The following MAPK8IP3 variants were observed in gnomAD, a reference collection of about 807,000 sequenced individuals.
MAPK8IP3 encodes the protein C-Jun-amino-terminal kinase-interacting protein 3.
A neutral mutation model predicts 157.8 loss-of-function variants in MAPK8IP3; 49 were observed. That is an observed-to-expected ratio of 0.31 (90% confidence interval 0.25 to 0.39). The LOEUF (loss-of-function observed/expected upper bound fraction) is 0.39. Ranked by LOEUF, MAPK8IP3 falls within the 10% of genes least tolerant of loss-of-function variation. MAPK8IP3 has a pLI of 1.00. For synonymous variants in MAPK8IP3, 897 were observed against 777.7 expected (o/e 1.15, Z -2.55); for missense variants, 1,478 against 1,889.4 (o/e 0.78, Z 4.04).
At chr16:1,712,772 C>T (rs920062852) in intron 1 of MAPK8IP3, among the ~76,000 whole-genome samples, 1 of 152,204 alleles carries the variant, frequency 6.6e-6, no homozygotes, top group African/African-American at 2.4e-5. Context: ...ACCCCTCCCT[C>T]GGGGTTTATC....
intron 1 of MAPK8IP3, among the ~76,000 whole-genome samples, chr16:1,723,301 C>A (rs2038656487): frequency 6.6e-6 from 1 of 152,008 alleles, no homozygotes; most frequent in Non-Finnish European, 1.5e-5. Context: ...TCCCAAAGTT[C>A]TGGGATGAGG....
At position 1,762,819 on chromosome 16, in the gene MAPK8IP3, C is replaced by T; in HGVS notation, c.1728-17C>T. The T allele has an allele frequency of 1.2e-6, 2 of 1,610,772 alleles. No individual in the cohort carries two copies. The highest frequency in any genetic ancestry group is 1.7e-6 in the Non-Finnish European group (2 of 1,178,058). On this transcript the variant is annotated splice_polypyrimidine_tract_variant and intron_variant, in intron 15 of 31. Transcript: ENST00000610761. ...CTGGTCCTCTGCCCACCCCTCACCT[C>T]CCTGTGCCTCTGGCAGCTTCAGCCG...
chr16:1,732,575 C>G (rs557478309), intron 4 of MAPK8IP3, among the ~76,000 whole-genome samples: 2 of 152,368 alleles, frequency 1.3e-5, no homozygotes, highest in African/African-American at 4.8e-5. Flanking sequence ...TCAGCTGGAG[C>G]AGGGACCTGC....
chr16:1,747,887 C>T (rs1265027566), intron 6 of MAPK8IP3, among the ~76,000 whole-genome samples: 5 of 152,236 alleles, frequency 3.3e-5, no homozygotes, highest in Non-Finnish European at 7.3e-5. Flanking sequence ...CAGTAACCTG[C>T]GTTGCCCCAC....
At chr16:1,753,457 T>A (rs898618837) in intron 8 of MAPK8IP3, among the ~76,000 whole-genome samples, 2 of 151,438 alleles carry the variant, frequency 1.3e-5, no homozygotes, top group Non-Finnish European at 2.9e-5. Flanking sequence ...TTATTTATTT[T>A]TGAGACGGAG....
At chr16:1,730,839 T>TAA (rs2039266733) in intron 4 of MAPK8IP3, among the ~76,000 whole-genome samples, 1 of 71,662 alleles carries the variant, frequency 1.4e-5, no homozygotes, top group African/African-American at 5.9e-5. Flanking sequence ...TGAGACTCTG[T>TAA]CAAAAAAAAA....
At position 1,731,012 on chromosome 16, in the gene MAPK8IP3, T is replaced by C. The variant is rs2039282602; in HGVS notation, c.602+1434T>C. On this transcript the variant is annotated intron_variant, in intron 4 of 31. Transcript: ENST00000610761. ...AAAATTAGCTGGGTGTGGTGGCACA[T>C]GCCTGTAGTCCCAGCTACTAGAGAG... Among the ~76,000 whole-genome samples the C allele has an allele frequency of 2.0e-5, 3 of 151,474 alleles. No homozygotes were observed. The South Asian group carries it at 6.3e-4, about 32-fold the overall frequency.
rs202009286 is a variant in MAPK8IP3 at position 1,721,379 on chromosome 16, T to C, written c.319-3178T>C. ...ACTTTGGAAGGCCAAGGCAGGAGGA[T>C]TGCTTGAGCCCAGGAGTTTGAGACC... On this transcript the variant is annotated intron_variant, in intron 1 of 31. Transcript: ENST00000610761. Among the ~76,000 whole-genome samples the C allele has an allele frequency of 7.9e-5, 12 of 152,062 alleles. No individual in the cohort carries two copies. In the East Asian group the frequency reaches 2.3e-3, roughly 30 times the overall value.
At chr16:1,748,816 G>C (rs370423506) in intron 8 of MAPK8IP3, 96 bp downstream of exon 8, 174 of 1,127,470 alleles carry the variant, frequency 1.5e-4, no homozygotes, top group Non-Finnish European at 3.1e-5. Flanking sequence ...TCCTCTGTCA[G>C]CTGTGAGCTA....
At position 1,724,528 on chromosome 16, in the gene MAPK8IP3, A is replaced by T; in HGVS notation, c.319-29A>T. ...GGCTGCTCCACACTCACTCCTGATG[A>T]CTGCTCTTTCCCTCCCTTCCATGCA... On this transcript the variant is annotated intron_variant, in intron 1 of 31. Coordinates refer to ENST00000610761, the MANE Select transcript of MAPK8IP3 (RefSeq NM_001318852.2). The surrounding 1 kb of genome is among the most constrained non-coding windows in gnomAD (Gnocchi z 4.1). 1 of 1,610,246 alleles carries T rather than the reference A, an allele frequency of 6.2e-7. No individual in the cohort carries two copies.
At chr16:1,730,459 G>A (rs2039230113) in intron 4 of MAPK8IP3, among the ~76,000 whole-genome samples, 1 of 151,936 alleles carries the variant, frequency 6.6e-6, no homozygotes, top group Non-Finnish European at 1.5e-5. Context: ...CAAAAATTAA[G>A]CCGGGCTCAG....
rs2141930729 is a variant in MAPK8IP3, at chr16:1,762,658, T to C, written c.1671-17T>C. On this transcript the variant is annotated splice_polypyrimidine_tract_variant and intron_variant, in intron 14 of 31. Transcript: ENST00000610761. Reference sequence around the variant, plus strand: ...GTGAGGGCACTAGCAGGTTGCTCCCTGTGCCCTCCCCTGCAGAGCGTCCCG... The same window carrying C: ...GTGAGGGCACTAGCAGGTTGCTCCCCGTGCCCTCCCCTGCAGAGCGTCCCG... 1.9e-6 allele frequency: 3 copies of C among 1,542,518 alleles called. No homozygotes were observed. The highest frequency in any genetic ancestry group is 1.8e-6 in the Non-Finnish European group (2 of 1,142,700).
intron 6 of MAPK8IP3, 86 bp from the exon 7 acceptor site, chr16:1,748,158 A>G: frequency 2.0e-6 from 2 of 982,836 alleles, no homozygotes; most frequent in Admixed American, 1.7e-5. Flanking sequence ...CCAGCCCACC[A>G]GACTCAGGTT....
intron 4 of MAPK8IP3, among the ~76,000 whole-genome samples, chr16:1,736,230 A>G (rs1477263323): frequency 1.5e-3 from 63 of 41,790 alleles, no homozygotes; most frequent in South Asian, 3.0e-3. Flanking sequence ...GCGTCCGTGT[A>G]AGCATCCGTG....
Position 1,764,453 on chromosome 16 carries a change from G to A in MAPK8IP3, c.2274G>A (p.Lys758=). The part of the protein sequence containing the change: ...EPKSAHTSPE[K]KKAKELPEMD... ...AGAGCGCCCACACGTCTCCCGAGAA[G>A]AAGAAGGTGAGCATGGCCGAGGCCA... The change falls in exon 19 of 32, where the codon AAG becomes AAA. Residue 758 remains lysine, a synonymous_variant. Transcript: ENST00000610761. The A allele has an allele frequency of 6.2e-7, 1 of 1,608,592 alleles. No homozygotes were observed.
chr16:1,714,589 C>T (rs1189227747), intron 1 of MAPK8IP3, among the ~76,000 whole-genome samples: 3 of 152,144 alleles, frequency 2.0e-5, no homozygotes, highest in Non-Finnish European at 4.4e-5. Context: ...CTCCCCAGGC[C>T]TCTGGGGAGT....
chr16:1,766,854 G>T, intron 24 of MAPK8IP3, 50 bp from the exon 25 acceptor site: 1 of 1,611,858 alleles, frequency 6.2e-7, no homozygotes, highest in Non-Finnish European at 8.5e-7. Context: ...CGGGGCGGAG[G>T]GGGCTGGCAC....
At chr16:1,738,248 ATCCGTGTGAGCGTGTGACCG>A (rs2040214520) in intron 4 of MAPK8IP3, among the ~76,000 whole-genome samples, 1 of 65,284 alleles carries the variant, frequency 1.5e-5, no homozygotes, top group Admixed American at 2.2e-4. Context: ...CCATTTGAGC[ATCCGTGTGAGCGTGTGACCG>A]TCCGTGTGAG....
chr16:1,763,817 C>T (rs752102296), intron 17 of MAPK8IP3, 34 bp downstream of exon 17: 8 of 1,426,722 alleles, frequency 5.6e-6, no homozygotes, highest in Admixed American at 3.0e-5. Flanking sequence ...CGGGCGGGGC[C>T]CCGCAGAGGC....
Sources: gnomAD v4.1 joint callset for allele counts (sites outside exome capture counted in the v4.1 genomes callset) on GRCh38, gnomAD v4.1.1 for gene constraint, Gnocchi (gnomAD v3.1) non-coding constraint, MANE v1.5 for transcripts, NCBI Gene and HGNC (gene_info 2026-07-23, HGNC 2026-07-21) for gene names.